CREB5: variants seen among roughly 807,000 people sequenced by gnomAD.
The protein encoded by CREB5 is cyclic AMP-responsive element-binding protein 5.
In CREB5, 19 loss-of-function variants were observed where a neutral mutation model predicts 57.1. The ratio of observed to expected loss-of-function variants is 0.33; its 90% confidence interval spans 0.23 to 0.49. CREB5 has a LOEUF of 0.49. Ranked by LOEUF, CREB5 falls within the 20% of genes least tolerant of loss-of-function variation. The probability of loss-of-function intolerance (pLI) is 0.99; values close to 1 mark genes in which losing one functional copy is unlikely to be tolerated. For synonymous variants in CREB5, 238 were observed against 238.3 expected (o/e 1.00, Z 0.01); for missense variants, 579 against 671.6 (o/e 0.86, Z 1.52).
intron 5 of CREB5, among the ~76,000 whole-genome samples, chr7:28,577,015 A>C (rs891006300): frequency 1.3e-5 from 2 of 152,216 alleles, no homozygotes; most frequent in Non-Finnish European, 2.9e-5. Context: ...GGAATACAAG[A>C]GCTTGCTTGG....
intron 5 of CREB5, among the ~76,000 whole-genome samples, chr7:28,688,664 A>C (rs899912991): frequency 1.3e-5 from 2 of 152,164 alleles, no homozygotes; most frequent in Non-Finnish European, 2.9e-5. Flanking sequence ...TAGTAGCCTT[A>C]TTGTAAAGTA....
At chr7:28,700,065 A>T (rs986422735) in intron 5 of CREB5, among the ~76,000 whole-genome samples, 2 of 152,212 alleles carry the variant, frequency 1.3e-5, no homozygotes, top group African/African-American at 2.4e-5. Context: ...CCTAGAAAGG[A>T]TTGTTATCAT....
intron 9 of CREB5, among the ~76,000 whole-genome samples, chr7:28,813,586 T>C (rs1809252551): frequency 6.6e-6 from 1 of 152,176 alleles, no homozygotes; most frequent in South Asian, 2.1e-4. Flanking sequence ...GAGGGTATAT[T>C]GTAGAGCCCA....
chr7:28,657,113 C>G (rs6956426), intron 5 of CREB5, among the ~76,000 whole-genome samples: 12,689 of 152,186 alleles, frequency 0.083, 890 homozygotes, highest in African/African-American at 0.19. Flanking sequence ...ACCTGTCCAT[C>G]TGCAAGGCAC....
At chr7:28,818,260 C>A in intron 10 of CREB5, 81 bp downstream of exon 10, 1 of 953,902 alleles carries the variant, frequency 1.0e-6, no homozygotes, top group Non-Finnish European at 1.7e-6. Flanking sequence ...ATTGAAAGAG[C>A]AAAAGTAAAG....
intron 5 of CREB5, among the ~76,000 whole-genome samples, chr7:28,659,085 A>G (rs1235364533): frequency 1.3e-5 from 2 of 151,416 alleles, no homozygotes; most frequent in Non-Finnish European, 2.9e-5. Flanking sequence ...ACACTGGCCA[A>G]CTGACTCATT....
At chr7:28,736,729 G>A (rs1055856000) in intron 7 of CREB5, among the ~76,000 whole-genome samples, 1 of 151,928 alleles carries the variant, frequency 6.6e-6, no homozygotes, top group Non-Finnish European at 1.5e-5. Flanking sequence ...GTGGTGACTG[G>A]ATTTCAGGAG....
intron 5 of CREB5, among the ~76,000 whole-genome samples, chr7:28,670,425 C>G (rs17157018): frequency 0.04 from 6,046 of 152,218 alleles, 291 homozygotes; most frequent in African/African-American, 0.11. Context: ...AGCTCATTGC[C>G]TTTTAGTCGG....
chr7:28,569,053 A>G (rs951639045), intron 4 of CREB5, among the ~76,000 whole-genome samples: 3 of 150,988 alleles, frequency 2.0e-5, no homozygotes, highest in Admixed American at 6.6e-5. Context: ...AAATTTCCCC[A>G]CCCTTCTAGG....
At chr7:28,639,699 T>G (rs1562542603) in intron 5 of CREB5, among the ~76,000 whole-genome samples, 2 of 152,196 alleles carry the variant, frequency 1.3e-5, no homozygotes, top group South Asian at 2.1e-4. Flanking sequence ...AGCCCTGAAA[T>G]CATGTCTTAT....
At chr7:28,527,269 T>C (rs1430608662) in intron 4 of CREB5, among the ~76,000 whole-genome samples, 1 of 152,228 alleles carries the variant, frequency 6.6e-6, no homozygotes, top group East Asian at 1.9e-4. Context: ...TTCTTGTTGT[T>C]ACTGAAGCTG....
At chr7:28,731,386 C>T (rs1378585942) in intron 7 of CREB5, among the ~76,000 whole-genome samples, 1 of 152,146 alleles carries the variant, frequency 6.6e-6, no homozygotes. Context: ...ATGACCTGAT[C>T]AGAACTCCAA....
At chr7:28,596,428 A>G (rs1796693873) in intron 5 of CREB5, among the ~76,000 whole-genome samples, 1 of 152,258 alleles carries the variant, frequency 6.6e-6, no homozygotes, top group African/African-American at 2.4e-5. Flanking sequence ...TTATTTCCAT[A>G]ACAGCACTCT....
chr7:28,368,653 C>T (rs972664821), intron 1 of CREB5, among the ~76,000 whole-genome samples: 2 of 152,178 alleles, frequency 1.3e-5, no homozygotes, highest in South Asian at 2.1e-4. Flanking sequence ...ATTTTCTTTC[C>T]TTATACCTCA....
At chr7:28,446,660 T>C (rs535710798) in intron 1 of CREB5, among the ~76,000 whole-genome samples, 8 of 151,998 alleles carry the variant, frequency 5.3e-5, no homozygotes, top group Non-Finnish European at 1.0e-4. Context: ...GGCGTGGTGG[T>C]GGGTGCCTGT....
chr7:28,402,306 G>T (rs1030599598), intron 1 of CREB5, among the ~76,000 whole-genome samples: 3 of 152,020 alleles, frequency 2.0e-5, no homozygotes, highest in Non-Finnish European at 4.4e-5. Context: ...GTAGATTCTG[G>T]ATATTAACCC....
rs757910365 is a variant in CREB5 at position 28,825,106 on chromosome 7, T to C, written c.*5827T>C. 1 of 152,638 alleles carries C rather than the reference T, an allele frequency of 6.6e-6. No homozygotes were observed. The highest frequency in any genetic ancestry group is 1.5e-5 in the Non-Finnish European group (1 of 68,036). The allele number at this position is 152,638 out of a possible 1,614,324, so 9.5% of individuals were successfully genotyped here. ...ATTAGCTTTAAATACATCATTAAAA[T>C]CTTATGCACAATAAGCTCATTAGAT... On this transcript the variant is annotated 3_prime_UTR_variant, in exon 11 of 11. Coordinates refer to ENST00000357727, the MANE Select transcript of CREB5 (RefSeq NM_182898.4).
Position 28,713,384 on chromosome 7 carries a change from T to A in CREB5, c.465-5369T>A, listed in dbSNP as rs140606240. On this transcript the variant is annotated intron_variant, in intron 5 of 10. Coordinates refer to ENST00000357727, the MANE Select transcript of CREB5 (RefSeq NM_182898.4). ...ATGAGCAAATATTCTTTTTGTGGTC[T>A]GGGTGTGAAATTTTGTTGTATTTAA... Among the ~76,000 whole-genome samples, 137 of 152,348 alleles carry A rather than the reference T, an allele frequency of 9.0e-4. 1 individual carries two copies. In the East Asian group the frequency reaches 0.014, roughly 16 times the overall value.
intron 1 of CREB5, among the ~76,000 whole-genome samples, chr7:28,438,188 A>G (rs1411791036): frequency 6.6e-6 from 1 of 152,130 alleles, no homozygotes; most frequent in Non-Finnish European, 1.5e-5. Context: ...ATATTGCTTA[A>G]CTCATTCATT....
Sources: gnomAD v4.1 joint callset for allele counts (sites outside exome capture counted in the v4.1 genomes callset) on GRCh38, gnomAD v4.1.1 for gene constraint, MANE v1.5 for transcripts, NCBI Gene and HGNC (gene_info 2026-07-23, HGNC 2026-07-21) for gene names.